Variants in CLMN observed in about 807,000 individuals in gnomAD.
The protein encoded by CLMN is calmin (calponin-like, transmembrane).
A neutral mutation model predicts 92.7 loss-of-function variants in CLMN; 57 were observed. That is an observed-to-expected ratio of 0.61 (90% confidence interval 0.50 to 0.77). CLMN has a LOEUF of 0.77. CLMN is among the 30% of genes least tolerant of loss of function. The probability of loss-of-function intolerance (pLI) is 0.00; values close to 1 mark genes in which losing one functional copy is unlikely to be tolerated. For missense variants in CLMN, 1,158 were observed against 1,237.5 expected (o/e 0.94, Z 0.96); for synonymous variants, 466 against 470.6 (o/e 0.99, Z 0.13).
At chr14:95,252,817 C>T (rs573444315) in intron 1 of CLMN, among the ~76,000 whole-genome samples, 3 of 152,150 alleles carry the variant, frequency 2.0e-5, no homozygotes, top group Non-Finnish European at 2.9e-5. Context: ...AGTGCTGTCA[C>T]GTGTGATGCC....
rs1416087584 is a variant in CLMN at position 95,213,374 on chromosome 14, A to G, written c.453T>C (p.Ser151=). 6.2e-7 allele frequency: 1 copy of G among 1,612,014 alleles called. No homozygotes were observed. The highest frequency in any genetic ancestry group is 1.7e-5 in the Admixed American group (1 of 59,396). The stretch of plus-strand genomic sequence containing the variant: ...AGCCAGGGGACAAGCTGGAAGATGG[A>G]GAGTTTCTGCTGAGGTTGCCTGTGA... ...KELTGNLSRN[S]PSSSLSPGSG... is the part of the protein sequence containing the mutation. Residue 151 remains serine (S), a synonymous_variant, in exon 6 of 13, where the codon TCT becomes TCC. Transcript: ENST00000298912.
intron 1 of CLMN, among the ~76,000 whole-genome samples, chr14:95,279,769 C>T (rs1900073883): frequency 6.6e-6 from 1 of 152,144 alleles, no homozygotes; most frequent in Admixed American, 6.5e-5. Flanking sequence ...GGCGACAGAG[C>T]GAGACTCCGT....
rs527405185 is a variant in CLMN at position 95,256,217 on chromosome 14, C to T, written c.83-26084G>A. ...GCCACGGGCACACCCAACCGAGGCC[C>T]GCCACCCACTCCTCGGCACCCAGTT... is the stretch of plus-strand genomic sequence containing the variant. On this transcript the variant is annotated intron_variant, in intron 1 of 12. Coordinates refer to ENST00000298912, the MANE Select transcript of CLMN (RefSeq NM_024734.4). This position sits in a 1 kb window ranked among gnomAD's most constrained non-coding sequence, Gnocchi z 4.9. 4.3e-4 allele frequency among the ~76,000 whole-genome samples: 65 copies of T among 152,288 alleles called. No homozygotes were observed. The highest frequency in any genetic ancestry group is 1.0e-3 in the South Asian group (5 of 4,832).
intron 1 of CLMN, among the ~76,000 whole-genome samples, chr14:95,280,927 A>C (rs543725453): frequency 6.6e-6 from 1 of 152,276 alleles, no homozygotes; most frequent in African/African-American, 2.4e-5. Context: ...TGGCTGCCCT[A>C]AGACTTTTTG....
rs1259295711 is a variant in CLMN, at chr14:95,256,921, T to C, written c.83-26788A>G. ...AGGGAAAAGGAGAGGGCATTCTCCA[T>C]GTTGGGAACAGCAAGGGCAAAGGCT... On this transcript the variant is annotated intron_variant, in intron 1 of 12. Transcript: ENST00000298912. This position sits in a 1 kb window ranked among gnomAD's most constrained non-coding sequence, Gnocchi z 4.9. Among the ~76,000 whole-genome samples the C allele has an allele frequency of 6.6e-6, 1 of 152,162 alleles. No individual in the cohort carries two copies. Among genetic ancestry groups the C allele is most frequent in the Non-Finnish European group, 1.5e-5 (1 of 68,028 alleles).
intron 1 of CLMN, among the ~76,000 whole-genome samples, chr14:95,249,512 G>A (rs1018297534): frequency 3.2e-4 from 48 of 152,274 alleles, no homozygotes; most frequent in African/African-American, 8.2e-4. Context: ...GGGGTGGACC[G>A]AGACAGATGC....
chr14:95,246,029 A>C (rs1183897043), intron 1 of CLMN, among the ~76,000 whole-genome samples: 2 of 152,042 alleles, frequency 1.3e-5, no homozygotes, highest in Non-Finnish European at 1.5e-5. Flanking sequence ...ATGACTTTTT[A>C]TTTTTTGCAT....
rs117584995 is a variant in CLMN at position 95,211,804 on chromosome 14, A to G, written c.609-925T>C. On this transcript the variant is annotated intron_variant, in intron 6 of 12. Transcript: ENST00000298912. The stretch of plus-strand genomic sequence containing the variant: ...TTATGCTACCAGGGTGCGTTATCCA[A>G]ACCAGAACACCAATACTGGTCCAAG... 6.3e-3 allele frequency among the ~76,000 whole-genome samples: 958 copies of G among 152,246 alleles called. 12 individuals carry two copies. Among genetic ancestry groups the G allele is most frequent in the East Asian group, 0.029 (152 of 5,176 alleles).
intron 1 of CLMN, among the ~76,000 whole-genome samples, chr14:95,291,477 C>T (rs1485143664): frequency 6.6e-6 from 1 of 152,198 alleles, no homozygotes; most frequent in African/African-American, 2.4e-5. Context: ...GTTTCTCATC[C>T]CCAGAGCTCC....
chr14:95,277,631 C>T (rs1899985413), intron 1 of CLMN, among the ~76,000 whole-genome samples: 1 of 152,070 alleles, frequency 6.6e-6, no homozygotes, highest in Admixed American at 6.6e-5. Flanking sequence ...CTTTTTCTTT[C>T]TTTCTCTTTT....
intron 1 of CLMN, among the ~76,000 whole-genome samples, chr14:95,233,396 TATCCATCCATTCATCCATCTGTCC>T (rs1488583807): frequency 2.4e-4 from 37 of 151,652 alleles, no homozygotes; most frequent in Admixed American, 1.4e-3. Context: ...ACCATCCATT[TATCCATCCATTCATCCATCTGTCC>T]ATCCATCCAT....
At chr14:95,220,089 A>T (rs1013937873) in intron 4 of CLMN, among the ~76,000 whole-genome samples, 2 of 149,774 alleles carry the variant, frequency 1.3e-5, no homozygotes, top group African/African-American at 4.9e-5. Flanking sequence ...TCTCTCACTT[A>T]GCATGTTGTC....
At chr14:95,279,448 A>C (rs1900059925) in intron 1 of CLMN, among the ~76,000 whole-genome samples, 1 of 152,158 alleles carries the variant, frequency 6.6e-6, no homozygotes. Flanking sequence ...CCTTATCTGC[A>C]CTTCTGTCTG....
intron 1 of CLMN, among the ~76,000 whole-genome samples, chr14:95,246,385 C>T (rs1898571419): frequency 6.6e-6 from 1 of 152,232 alleles, no homozygotes; most frequent in Non-Finnish European, 1.5e-5. Context: ...TCTTTCTTCT[C>T]TCTCCTTTTG....
In CLMN at chr14:95,221,752, G is replaced by C; in HGVS notation, c.263C>G (p.Ser88Trp). Residue 88 changes from serine to tryptophan, a missense_variant, in exon 4 of 13, where the codon TCG (serine) becomes TGG (tryptophan). Ser to Trp is a radical substitution (Grantham distance 177). Transcript: ENST00000298912. The stretch of plus-strand genomic sequence containing the variant: ...GTTGTTCAACCGAAAAATACGATGC[G>C]ACGAGGATTTGTATTCGTGCAGCTA... ...RNLLHEYKSS[S>W]HRIFRLNNIA... The C allele has an allele frequency of 6.2e-7, 1 of 1,614,126 alleles. No individual in the cohort carries two copies. The highest frequency in any genetic ancestry group is 8.5e-7 in the Non-Finnish European group (1 of 1,180,008).
rs566624759 is a variant in CLMN at position 95,191,284 on chromosome 14, T to G, written c.*280A>C. The G allele has an allele frequency of 3.8e-6, 1 of 260,658 alleles. No homozygotes were observed. Among genetic ancestry groups the G allele is most frequent in the African/African-American group, 2.2e-5 (1 of 44,500 alleles). The allele number at this position is 260,658 out of a possible 1,614,324, so 16.1% of individuals were successfully genotyped here. Reference sequence around the variant, plus strand: ...TAATGATCACTAACAATGCTCCCTATCCAACCCAGCAAGGCACACAAGGAC... The same window carrying G: ...TAATGATCACTAACAATGCTCCCTAGCCAACCCAGCAAGGCACACAAGGAC... On this transcript the variant is annotated 3_prime_UTR_variant, in exon 13 of 13. Coordinates refer to ENST00000298912, the MANE Select transcript of CLMN (RefSeq NM_024734.4). This position sits in a 1 kb window ranked among gnomAD's most constrained non-coding sequence, Gnocchi z 5.3.
chr14:95,295,285 G>GTAA (rs375177009), intron 1 of CLMN, among the ~76,000 whole-genome samples: 113 of 152,370 alleles, frequency 7.4e-4, no homozygotes, highest in African/African-American at 2.6e-3. Flanking sequence ...ACTGGAAAGG[G>GTAA]TAAGCAGGAG....
intron 9 of CLMN, 55 bp from the exon 10 acceptor site, chr14:95,196,749 A>T: frequency 6.5e-7 from 1 of 1,547,806 alleles, no homozygotes; most frequent in African/African-American, 1.4e-5. Flanking sequence ...AGTGTAAAGT[A>T]GGTGACATCA....
At chr14:95,252,577 G>A (rs1898832973) in intron 1 of CLMN, among the ~76,000 whole-genome samples, 1 of 152,160 alleles carries the variant, frequency 6.6e-6, no homozygotes, top group African/African-American at 2.4e-5. Flanking sequence ...TGACTACGAA[G>A]GACCTTAGTG....
Sources: allele counts gnomAD v4.1 joint callset (sites outside exome capture counted in the v4.1 genomes callset), GRCh38; gene constraint gnomAD v4.1.1; non-coding constraint Gnocchi (gnomAD v3.1); transcripts MANE v1.5; gene names NCBI Gene and HGNC (gene_info 2026-07-23, HGNC 2026-07-21).